Variants in CEP128 observed in about 807,000 individuals in gnomAD.
CEP128 encodes the protein centrosomal protein 128.
Under a neutral mutation model 156.7 loss-of-function variants are expected in CEP128, and 132 were observed. The observed-to-expected ratio is 0.84, with a 90% CI of 0.73 to 0.97. The LOEUF is 0.97. Among genes scored for constraint, CEP128 ranks in the 50% least tolerant of loss-of-function variants. The pLI is 0.00. For missense variants in CEP128, 1,252 were observed against 1,281.9 expected (o/e 0.98, Z 0.36); for synonymous variants, 469 against 448.9 (o/e 1.04, Z -0.57).
intron 13 of CEP128, among the ~76,000 whole-genome samples, chr14:80,804,876 T>A (rs1341764871): frequency 1.3e-5 from 2 of 152,088 alleles, no homozygotes; most frequent in Non-Finnish European, 2.9e-5. Flanking sequence ...TTTATAAATG[T>A]GATATTAAGA....
intron 20 of CEP128, among the ~76,000 whole-genome samples, chr14:80,570,752 G>T (rs1471355382): frequency 6.6e-6 from 1 of 151,730 alleles, no homozygotes; most frequent in Non-Finnish European, 1.5e-5. Flanking sequence ...TTTTTTATTA[G>T]CATCAGGGTG....
chr14:80,771,376 T>G (rs992046160), intron 16 of CEP128, among the ~76,000 whole-genome samples: 2 of 152,210 alleles, frequency 1.3e-5, no homozygotes, highest in African/African-American at 4.8e-5. Flanking sequence ...AGTCACTATA[T>G]TCTCTCAACT....
At chr14:80,789,508 A>G (rs913823499) in intron 14 of CEP128, among the ~76,000 whole-genome samples, 1 of 152,218 alleles carries the variant, frequency 6.6e-6, no homozygotes, top group Non-Finnish European at 1.5e-5. Flanking sequence ...CTTTGAAGTT[A>G]CTAAGGATGA....
intron 14 of CEP128, among the ~76,000 whole-genome samples, chr14:80,789,376 T>C (rs1901585753): frequency 6.6e-6 from 1 of 152,020 alleles, no homozygotes; most frequent in Non-Finnish European, 1.5e-5. Flanking sequence ...CAATTACAGA[T>C]GAAGATAAAA....
intron 19 of CEP128, among the ~76,000 whole-genome samples, chr14:80,609,725 T>C (rs1892920920): frequency 6.6e-6 from 1 of 151,982 alleles, no homozygotes; most frequent in Admixed American, 6.6e-5. Context: ...AAACACTCCA[T>C]CTTTTGGAGA....
Position 80,895,818 on chromosome 14 carries a change from A to G in CEP128, c.573-28T>C, listed in dbSNP as rs753852997. On this transcript the variant is annotated intron_variant, in intron 7 of 24. Coordinates refer to ENST00000555265, the MANE Select transcript of CEP128 (RefSeq NM_152446.5). ...AGGAAGAAAAAAAAAAAAAAGATTT[A>G]AATTTGGATATTTAGAAAATACACA... The G allele has an allele frequency of 7.6e-6, 10 of 1,310,670 alleles. No homozygotes were observed. The East Asian group carries it at 2.0e-4, about 26-fold the overall frequency. The allele number at this position is 1,310,670 out of a possible 1,614,324, so 81.2% of individuals were successfully genotyped here. A position where few individuals can be genotyped will look rare whatever the true frequency, so the allele number is the denominator to read the frequency against.
intron 10 of CEP128, 95 bp from the exon 11 acceptor site, chr14:80,838,373 G>C (rs1461620868): frequency 2.5e-6 from 2 of 797,338 alleles, no homozygotes; most frequent in Admixed American, 4.5e-5. Flanking sequence ...AAGTGGAAAA[G>C]TTTTCAGAAG....
downstream of CEP128, among the ~76,000 whole-genome samples, chr14:80,488,433 G>C (rs1012621159): frequency 2.0e-5 from 3 of 150,818 alleles, no homozygotes; most frequent in Admixed American, 1.3e-4. Context: ...ACCACAATGA[G>C]ATACCATCTC....
intron 4 of CEP128, among the ~76,000 whole-genome samples, chr14:80,909,459 C>T (rs1884082609): frequency 2.0e-5 from 3 of 151,250 alleles, no homozygotes; most frequent in African/African-American, 7.3e-5. Flanking sequence ...AACAGAAGAA[C>T]ATTAAAGAAC....
intron 19 of CEP128, among the ~76,000 whole-genome samples, chr14:80,660,121 C>T (rs1033209714): frequency 4.1e-4 from 63 of 152,170 alleles, no homozygotes; most frequent in African/African-American, 1.3e-3. Flanking sequence ...TAGGTTATAC[C>T]ATCATAAGTT....
downstream of CEP128, among the ~76,000 whole-genome samples, chr14:80,487,727 C>G (rs138229799): frequency 0.12 from 18,049 of 152,156 alleles, 1,496 homozygotes; most frequent in Non-Finnish European, 0.18. Flanking sequence ...GAAACTCACT[C>G]AAAACTGCTC....
At chr14:80,731,116 A>C (rs1424369892) in intron 19 of CEP128, among the ~76,000 whole-genome samples, 2 of 152,228 alleles carry the variant, frequency 1.3e-5, no homozygotes, top group African/African-American at 4.8e-5. Flanking sequence ...TAACAAAAAA[A>C]CTTGATCTCT....
intron 21 of CEP128, among the ~76,000 whole-genome samples, chr14:80,558,299 C>CA (rs953477356): frequency 1.2e-4 from 17 of 147,214 alleles, no homozygotes; most frequent in Non-Finnish European, 2.6e-4. Flanking sequence ...TTTTCCTTTA[C>CA]TTTTTTTTTT....
chr14:80,818,834 T>C (rs947338772), intron 13 of CEP128, among the ~76,000 whole-genome samples: 3 of 152,198 alleles, frequency 2.0e-5, no homozygotes, highest in Admixed American at 6.5e-5. Flanking sequence ...AACCAGAAAA[T>C]ATCAATTTCT....
chr14:80,831,445 C>A, intron 12 of CEP128, 151 bp from the exon 13 acceptor site: 1 of 708,216 alleles, frequency 1.4e-6, no homozygotes. Context: ...CCTGTTGTTT[C>A]AAGTTTTATA....
At chr14:80,663,474 C>T (rs935625215) in intron 19 of CEP128, among the ~76,000 whole-genome samples, 1 of 152,088 alleles carries the variant, frequency 6.6e-6, no homozygotes, top group African/African-American at 2.4e-5. Flanking sequence ...AAACTGTTTG[C>T]CAGATAGGAT....
At chr14:80,746,005 A>C (rs1899082009) in intron 18 of CEP128, among the ~76,000 whole-genome samples, 1 of 152,124 alleles carries the variant, frequency 6.6e-6, no homozygotes, top group African/African-American at 2.4e-5. Context: ...TATTTACAAT[A>C]GCATCAACAA....
intron 23 of CEP128, among the ~76,000 whole-genome samples, chr14:80,507,466 C>G (rs957134279): frequency 6.6e-6 from 1 of 152,158 alleles, no homozygotes; most frequent in Non-Finnish European, 1.5e-5. Context: ...ATGTGACATA[C>G]TACAGGTGTG....
chr14:80,810,057 C>T (rs1038107499), intron 13 of CEP128, among the ~76,000 whole-genome samples: 3 of 151,996 alleles, frequency 2.0e-5, no homozygotes, highest in African/African-American at 7.2e-5. Flanking sequence ...GGCACAGTGG[C>T]TCATGCCTGT....
Sources: allele counts gnomAD v4.1 joint callset (sites outside exome capture counted in the v4.1 genomes callset), GRCh38; gene constraint gnomAD v4.1.1; transcripts MANE v1.5; gene names NCBI Gene and HGNC (gene_info 2026-07-23, HGNC 2026-07-21).